Variants in RASGRF1 observed in about 807,000 individuals in gnomAD.
RASGRF1 encodes ras-specific guanine nucleotide-releasing factor 1.
In RASGRF1, 40 loss-of-function variants were observed where a neutral mutation model predicts 138.7. The observed-to-expected ratio is 0.29, with a 90% CI of 0.22 to 0.38. The LOEUF (loss-of-function observed/expected upper bound fraction) is 0.38, where lower values mean the gene tolerates loss of function less well. Ranked by LOEUF, RASGRF1 falls within the 10% of genes least tolerant of loss-of-function variation. RASGRF1 has a pLI of 1.00. For synonymous variants in RASGRF1, 614 were observed against 663.2 expected, an observed-to-expected ratio of 0.93 and a Z score of 1.14; for missense variants, 1,108 against 1,650.4, an observed-to-expected ratio of 0.67 and a Z score of 5.69.
At chr15:78,982,767 C>T (rs1393733291) in intron 23 of RASGRF1, among the ~76,000 whole-genome samples, 2 of 152,106 alleles carry the variant, frequency 1.3e-5, no homozygotes, top group African/African-American at 4.8e-5. Flanking sequence ...CGATTGTTAG[C>T]CAAGGCGAGG....
At chr15:78,968,530 AC>A (rs1211146691) in intron 26 of RASGRF1, among the ~76,000 whole-genome samples, 1 of 151,886 alleles carries the variant, frequency 6.6e-6, no homozygotes, top group Non-Finnish European at 1.5e-5. Context: ...TGATCCTCCT[AC>A]CTCAGTCTCC....
At chr15:79,063,153 A>G (rs2057631050) in intron 2 of RASGRF1, among the ~76,000 whole-genome samples, 1 of 152,154 alleles carries the variant, frequency 6.6e-6, no homozygotes, top group Non-Finnish European at 1.5e-5. Flanking sequence ...CTACCTGTGC[A>G]TATGTCTAAT....
intron 5 of RASGRF1, among the ~76,000 whole-genome samples, chr15:79,037,745 C>T (rs1374537229): frequency 6.6e-6 from 1 of 152,026 alleles, no homozygotes; most frequent in Non-Finnish European, 1.5e-5. Context: ...AGGCGTGAGC[C>T]ACCATGCCTG....
chr15:79,035,574 C>G (rs2057208750), intron 5 of RASGRF1, among the ~76,000 whole-genome samples: 2 of 152,238 alleles, frequency 1.3e-5, no homozygotes, highest in South Asian at 2.1e-4. Flanking sequence ...CCCCACACCC[C>G]CTCCCCCAAG....
At chr15:78,989,984 T>C in intron 22 of RASGRF1, 2 of 602,450 alleles carry the variant, frequency 3.3e-6, no homozygotes, top group South Asian at 4.0e-5. Context: ...CTATGACTGT[T>C]CCATGGTCAG....
At chr15:79,072,076 G>A (rs969680395) in intron 1 of RASGRF1, among the ~76,000 whole-genome samples, 11 of 152,044 alleles carry the variant, frequency 7.2e-5, no homozygotes, top group African/African-American at 2.7e-4. Context: ...AGGGAGGAAG[G>A]AGGAGTCACA....
rs182246138 is a variant in RASGRF1, at chr15:78,964,100, C to T, written c.3682-1864G>A. Among the ~76,000 whole-genome samples, 70 of 151,844 alleles carry T rather than the reference C, an allele frequency of 4.6e-4. 1 individual carries two copies. Among genetic ancestry groups the T allele is most frequent in the African/African-American group, 1.6e-3 (68 of 41,400 alleles). ...TAATTTTCCTAAGACATTGTACTTT[C>T]GAGGAAGACTGGCAGCATATAGCAC... On this transcript the variant is annotated intron_variant, in intron 26 of 26. Coordinates refer to ENST00000558480, the MANE Select transcript of RASGRF1 (RefSeq NM_001145648.3).
intron 24 of RASGRF1, among the ~76,000 whole-genome samples, chr15:78,977,287 C>T (rs1179900018): frequency 6.6e-6 from 1 of 152,226 alleles, no homozygotes; most frequent in Non-Finnish European, 1.5e-5. Flanking sequence ...GATCTCCTCT[C>T]TCCCATCTTG....
intron 1 of RASGRF1, among the ~76,000 whole-genome samples, chr15:79,081,533 A>G (rs2057913681): frequency 6.6e-6 from 1 of 152,142 alleles, no homozygotes; most frequent in African/African-American, 2.4e-5. Flanking sequence ...GTGACATAGC[A>G]CACAGGCTTT....
chr15:79,072,954 C>A (rs1306406909), intron 1 of RASGRF1, among the ~76,000 whole-genome samples: 2 of 152,174 alleles, frequency 1.3e-5, no homozygotes, highest in Admixed American at 1.3e-4. Context: ...CCAAATCACA[C>A]CTGCCACAAC....
intron 24 of RASGRF1, chr15:78,980,406 T>C: frequency 2.3e-6 from 1 of 438,232 alleles, no homozygotes; most frequent in Non-Finnish European, 4.1e-6. Flanking sequence ...ATTCCTGTGC[T>C]TCTCTCAGGA....
intron 13 of RASGRF1, among the ~76,000 whole-genome samples, chr15:79,009,031 C>T (rs940129182): frequency 3.9e-5 from 6 of 152,176 alleles, no homozygotes; most frequent in South Asian, 2.1e-4. Flanking sequence ...TCTAACCAGA[C>T]GCACTCTCAG....
chr15:78,996,720 G>A (rs1003104109), intron 19 of RASGRF1, among the ~76,000 whole-genome samples: 9 of 36,166 alleles, frequency 2.5e-4, no homozygotes, highest in Non-Finnish European at 3.8e-4. Flanking sequence ...CACGAGTGGC[G>A]GCTGTGTGTG....
At chr15:79,045,486 T>C (rs1411939206) in intron 5 of RASGRF1, among the ~76,000 whole-genome samples, 3 of 152,228 alleles carry the variant, frequency 2.0e-5, no homozygotes, top group Non-Finnish European at 1.5e-5. Context: ...ACATGTCTAT[T>C]AAAAAGCAGC....
intron 10 of RASGRF1, among the ~76,000 whole-genome samples, chr15:79,020,549 G>A (rs1426901390): frequency 6.6e-6 from 1 of 152,260 alleles, no homozygotes; most frequent in African/African-American, 2.4e-5. Flanking sequence ...TCATTTTACA[G>A]GTGAAGAAAT....
At chr15:79,048,994 G>A (rs1043566266) in intron 4 of RASGRF1, among the ~76,000 whole-genome samples, 1 of 152,214 alleles carries the variant, frequency 6.6e-6, no homozygotes, top group Admixed American at 6.5e-5. Context: ...TGAGATGTCT[G>A]TCCCTCCTGA....
chr15:79,090,259 C>T lies in RASGRF1; in HGVS notation c.240G>A (p.Lys80=), dbSNP rs144314511. The change falls in exon 1 of 27, where the codon AAG becomes AAA. Residue 80 remains lysine (K), a synonymous_variant. Coordinates refer to ENST00000558480, the MANE Select transcript of RASGRF1 (RefSeq NM_001145648.3). ...GCGGCTCCTTGGCCGACAGCGCCGG[C>T]TTGGGGGAGGGCGCGCGGTCGCAGA... ...GCVCDRAPSP[K]PALSAKEPLE... 111 of 1,610,598 alleles carry T rather than the reference C, an allele frequency of 6.9e-5. No individual in the cohort carries two copies. The highest frequency in any genetic ancestry group is 9.2e-5 in the Non-Finnish European group (108 of 1,179,244).
intron 1 of RASGRF1, chr15:79,064,768 A>T: frequency 2.0e-6 from 1 of 504,276 alleles, no homozygotes; most frequent in Non-Finnish European, 3.5e-6. Context: ...AAAACACACA[A>T]AGCCCTGTTC....
chr15:78,967,656 G>GTTT (rs2055669252), intron 26 of RASGRF1, among the ~76,000 whole-genome samples: 1 of 152,120 alleles, frequency 6.6e-6, no homozygotes. Context: ...GGATAGTCCT[G>GTTT]TTTTACATAT....
Sources: allele counts gnomAD v4.1 joint callset (sites outside exome capture counted in the v4.1 genomes callset), GRCh38; gene constraint gnomAD v4.1.1; transcripts MANE v1.5; gene names NCBI Gene and HGNC (gene_info 2026-07-23, HGNC 2026-07-21).